CFAP91: variants seen among roughly 807,000 people sequenced by gnomAD.
CFAP91 encodes the protein cilia- and flagella-associated protein 91.
A neutral mutation model predicts 95.9 loss-of-function variants in CFAP91; 85 were observed. The observed-to-expected ratio is 0.89, with a 90% confidence interval of 0.74 to 1.06. The LOEUF (loss-of-function observed/expected upper bound fraction) is 1.06, where lower values mean the gene tolerates loss of function less well. Among genes scored for constraint, CFAP91 ranks in the 50% least tolerant of loss-of-function variants. The pLI is 0.00. For synonymous variants in CFAP91, 335 were observed against 327.5 expected (o/e 1.02, Z -0.25); for missense variants, 962 against 943.4 (o/e 1.02, Z -0.26).
At chr3:119,717,063 A>G (rs1339825546) in intron 6 of CFAP91, among the ~76,000 whole-genome samples, 1 of 152,218 alleles carries the variant, frequency 6.6e-6, no homozygotes, top group African/African-American at 2.4e-5. Context: ...AGAAATGGAG[A>G]CTTTTTCCTA....
chr3:119,729,234 G>A (rs1055120570), intron 7 of CFAP91, among the ~76,000 whole-genome samples: 3 of 152,138 alleles, frequency 2.0e-5, no homozygotes, highest in Non-Finnish European at 2.9e-5. Context: ...CCTTAGCAGC[G>A]GGAAGAAGGT....
In CFAP91 at chr3:119,751,085, G is replaced by A; in HGVS notation, c.2292G>A (p.Glu764=). The change falls in exon 17 of 18, where the codon GAG becomes GAA. Residue 764 remains glutamate (E), a synonymous_variant. Transcript: ENST00000273390. ...TACTTGAGAAAGAAACTCAAAATGAGAACAACAGCTAAGGTGAGTTTGATT... is the reference window on the plus strand; with the variant it reads ...TACTTGAGAAAGAAACTCAAAATGAAAACAACAGCTAAGGTGAGTTTGATT... The part of the protein sequence containing the change: ...AMLLEKETQN[E]NNS 1 of 1,604,664 alleles carries A rather than the reference G, an allele frequency of 6.2e-7. No homozygotes were observed. The highest frequency in any genetic ancestry group is 8.5e-7 in the Non-Finnish European group (1 of 1,176,946).
chr3:119,712,913 C>T (rs1293997036), intron 5 of CFAP91, among the ~76,000 whole-genome samples: 1 of 149,626 alleles, frequency 6.7e-6, no homozygotes, highest in African/African-American at 2.5e-5. Context: ...TGAGATCACG[C>T]CACTGTCCTC....
intron 4 of CFAP91, 112 bp downstream of exon 4, chr3:119,708,786 T>A (rs1224545611): frequency 1.6e-6 from 1 of 638,010 alleles, no homozygotes; most frequent in Non-Finnish European, 2.7e-6. Context: ...AGACTCTATT[T>A]TAAGTGCTTT....
At chr3:119,763,854 G>A (rs1351640861) in intron 17 of CFAP91, among the ~76,000 whole-genome samples, 1 of 152,124 alleles carries the variant, frequency 6.6e-6, no homozygotes, top group Non-Finnish European at 1.5e-5. Context: ...GTAGGGAGAT[G>A]TTGGTCAAAG....
At chr3:119,706,668 G>C in intron 1 of CFAP91, 141 bp from the exon 2 acceptor site, 1 of 653,086 alleles carries the variant, frequency 1.5e-6, no homozygotes, top group Admixed American at 2.3e-5. Flanking sequence ...GCACAACAGA[G>C]CATGAGCTGC....
At chr3:119,719,255 G>A (rs1009189548) in intron 6 of CFAP91, among the ~76,000 whole-genome samples, 2 of 152,148 alleles carry the variant, frequency 1.3e-5, no homozygotes, top group Non-Finnish European at 2.9e-5. Context: ...CTAAATTAAC[G>A]CATTAGGAAT....
Position 119,715,669 on chromosome 3 carries a change from A to C in CFAP91, c.608A>C (p.Asp203Ala). 1.2e-6 allele frequency: 2 copies of C among 1,613,692 alleles called. No homozygotes were observed. Among genetic ancestry groups the C allele is most frequent in the Non-Finnish European group, 1.7e-6 (2 of 1,179,610 alleles). The change falls in exon 6 of 18, where the codon GAT becomes GCT. Residue 203 changes from aspartate (D) to alanine (A), a missense_variant. Physicochemically the swap from Asp to Ala is moderately radical, Grantham distance 126. Transcript: ENST00000273390. ...TATCGGGATGCTGACGTTCAAACAG[A>C]TCCATACTCTGCAGAATATGTAGTA... ...TDYRDADVQT[D>A]PYSAEYVVCQ...
chr3:119,716,555 C>T (rs1292862433), intron 6 of CFAP91, among the ~76,000 whole-genome samples: 1 of 152,180 alleles, frequency 6.6e-6, no homozygotes, highest in Non-Finnish European at 1.5e-5. Context: ...TGTTTCCTGG[C>T]CCACTTTATG....
chr3:119,727,291 T>C (rs950828220), intron 7 of CFAP91, among the ~76,000 whole-genome samples: 1 of 152,226 alleles, frequency 6.6e-6, no homozygotes, highest in Non-Finnish European at 1.5e-5. Flanking sequence ...GGCTTTGTGA[T>C]GTTTTGATAA....
chr3:119,717,773 A>G (rs1443522231), intron 6 of CFAP91, among the ~76,000 whole-genome samples: 2 of 152,078 alleles, frequency 1.3e-5, no homozygotes, highest in East Asian at 1.9e-4. Flanking sequence ...ATGTTCACAC[A>G]TCCCTACGAA....
intron 4 of CFAP91, 91 bp downstream of exon 4, chr3:119,708,765 T>C: frequency 1.3e-6 from 1 of 768,724 alleles, no homozygotes; most frequent in South Asian, 1.7e-5. Context: ...TTTCAGTGCA[T>C]ACAACGTGCC....
intron 7 of CFAP91, among the ~76,000 whole-genome samples, chr3:119,729,863 A>G (rs1025945180): frequency 5.9e-5 from 9 of 151,450 alleles, no homozygotes; most frequent in Non-Finnish European, 1.0e-4. Context: ...TTTCCTCTTC[A>G]CTCCCCCTAT....
intron 10 of CFAP91, among the ~76,000 whole-genome samples, chr3:119,735,898 T>C (rs191074413): frequency 6.6e-6 from 1 of 151,960 alleles, no homozygotes; most frequent in Admixed American, 6.5e-5. Context: ...TTATTCCTTC[T>C]CTTCTGCTCT....
intron 8 of CFAP91, 104 bp downstream of exon 8, chr3:119,730,481 G>A: frequency 1.7e-6 from 2 of 1,161,468 alleles, no homozygotes; most frequent in Non-Finnish European, 2.5e-6. Context: ...TTTGGTCCTG[G>A]GAATCACATA....
At chr3:119,709,123 C>T (rs1049207127) in intron 4 of CFAP91, among the ~76,000 whole-genome samples, 3 of 152,122 alleles carry the variant, frequency 2.0e-5, no homozygotes, top group Non-Finnish European at 2.9e-5. Context: ...TTGCCTAAAC[C>T]AACAAGGCCA....
In CFAP91 at chr3:119,715,728, G is replaced by T. The variant is rs1193138368; in HGVS notation, c.667G>T (p.Ala223Ser). The change falls in exon 6 of 18, where the codon GCT becomes TCT. Residue 223 changes from alanine (A) to serine (S), a missense_variant. Coordinates refer to ENST00000273390, the MANE Select transcript of CFAP91 (RefSeq NM_033364.4). ...CTCAATCCCTGAGCTCTTGACCCTG[G>T]CTACGCTTACTTGGGGTGAGTTGGT... ...QDSIPELLTL[A>S]TLTWGRGLPA... 1 of 1,613,838 alleles carries T rather than the reference G, an allele frequency of 6.2e-7. No homozygotes were observed. The highest frequency in any genetic ancestry group is 2.2e-5 in the East Asian group (1 of 44,882).
At chr3:119,745,839 A>T (rs2054211207) in intron 14 of CFAP91, among the ~76,000 whole-genome samples, 1 of 152,214 alleles carries the variant, frequency 6.6e-6, no homozygotes, top group African/African-American at 2.4e-5. Flanking sequence ...AGGCATAGGG[A>T]TTGAAGGTTG....
At chr3:119,728,025 G>A (rs1275406536) in intron 7 of CFAP91, among the ~76,000 whole-genome samples, 1 of 151,800 alleles carries the variant, frequency 6.6e-6, no homozygotes, top group African/African-American at 2.4e-5. Context: ...TGATGATGAT[G>A]ATGATGATGA....
Sources: gnomAD v4.1 joint callset for allele counts (sites outside exome capture counted in the v4.1 genomes callset) on GRCh38, gnomAD v4.1.1 for gene constraint, MANE v1.5 for transcripts, NCBI Gene and HGNC (gene_info 2026-07-23, HGNC 2026-07-21) for gene names.